The following TACR1 variants were observed in gnomAD, a reference collection of about 807,000 sequenced individuals.
TACR1 encodes tachykinin receptor 1, also known as substance-P receptor.
TACR1 carries 25 observed loss-of-function variants against 35.8 expected under a neutral mutation model. That is an observed-to-expected ratio of 0.70 (90% CI 0.51 to 0.98). TACR1 has a LOEUF of 0.98. Ranked by LOEUF, TACR1 falls within the 50% of genes least tolerant of loss-of-function variation. TACR1 has a pLI of 0.00. For missense variants in TACR1, 478 were observed against 522.9 expected, an observed-to-expected ratio of 0.91 and a Z score of 0.84; for synonymous variants, 195 against 206.7, an observed-to-expected ratio of 0.94 and a Z score of 0.48.
intron 1 of TACR1, among the ~76,000 whole-genome samples, chr2:75,134,814 C>A (rs1040068064): frequency 6.6e-6 from 1 of 152,214 alleles, no homozygotes; most frequent in Non-Finnish European, 1.5e-5. Context: ...AGCTGATTAA[C>A]TTAACGATCC....
intron 2 of TACR1, among the ~76,000 whole-genome samples, chr2:75,113,416 C>T (rs534090933): frequency 6.6e-6 from 1 of 151,976 alleles, no homozygotes; most frequent in Non-Finnish European, 1.5e-5. Flanking sequence ...GTGGCTGCCT[C>T]CTGTTTGGCG....
At chr2:75,196,692 C>G (rs1676003060) in intron 1 of TACR1, among the ~76,000 whole-genome samples, 1 of 152,192 alleles carries the variant, frequency 6.6e-6, no homozygotes. Flanking sequence ...GAGGAAAGAT[C>G]AGGGCTGCAG....
At chr2:75,163,738 G>T (rs960641462) in intron 1 of TACR1, among the ~76,000 whole-genome samples, 5 of 152,158 alleles carry the variant, frequency 3.3e-5, no homozygotes, top group African/African-American at 4.8e-5. Context: ...ATATAAAAAT[G>T]TAGATGTCTT....
chr2:75,154,406 GCACGCACACACACA>G (rs66463330), intron 1 of TACR1: 1 of 78,554 alleles, frequency 1.3e-5, no homozygotes, highest in African/African-American at 6.4e-5. Context: ...CCAAGAGCGC[GCACGCACACACACA>G]CACACACACA....
At chr2:75,078,319 T>A (rs965574349) in intron 2 of TACR1, among the ~76,000 whole-genome samples, 1 of 152,038 alleles carries the variant, frequency 6.6e-6, no homozygotes. Flanking sequence ...TTGAGTGATT[T>A]CTAAACTCTC....
At chr2:75,166,326 A>G (rs1379723397) in intron 1 of TACR1, among the ~76,000 whole-genome samples, 1 of 152,110 alleles carries the variant, frequency 6.6e-6, no homozygotes. Flanking sequence ...AAATCAACAA[A>G]CATAGAATGA....
At chr2:75,191,122 T>C (rs1046096201) in intron 1 of TACR1, among the ~76,000 whole-genome samples, 5 of 152,184 alleles carry the variant, frequency 3.3e-5, no homozygotes, top group African/African-American at 1.2e-4. Context: ...TGAGGTGGAA[T>C]TGAAGTCTCT....
At chr2:75,142,177 T>C (rs1288689437) in intron 1 of TACR1, among the ~76,000 whole-genome samples, 1 of 152,162 alleles carries the variant, frequency 6.6e-6, no homozygotes, top group Non-Finnish European at 1.5e-5. Flanking sequence ...CAGCCTCTGC[T>C]TCCACCTTCT....
At chr2:75,084,078 C>T (rs1211679403) in intron 2 of TACR1, among the ~76,000 whole-genome samples, 4 of 152,070 alleles carry the variant, frequency 2.6e-5, no homozygotes, top group South Asian at 2.1e-4. Flanking sequence ...ATAAATAGCT[C>T]TTATTATTTT....
At chr2:75,079,434 C>T (rs1354612361) in intron 2 of TACR1, among the ~76,000 whole-genome samples, 4 of 152,202 alleles carry the variant, frequency 2.6e-5, no homozygotes, top group African/African-American at 9.6e-5. Flanking sequence ...TTAAATTTGG[C>T]ACTTGGGCCA....
At chr2:75,073,613 C>T (rs771737636) in intron 2 of TACR1, among the ~76,000 whole-genome samples, 8 of 152,076 alleles carry the variant, frequency 5.3e-5, no homozygotes, top group African/African-American at 9.7e-5. Context: ...TGTCAGGTGT[C>T]GGGTGGGCAC....
At chr2:75,154,385 G>A (rs1029529153) in intron 1 of TACR1, 8 of 137,292 alleles carry the variant, frequency 5.8e-5, no homozygotes, top group African/African-American at 2.3e-4. Flanking sequence ...TTGGCCCAGG[G>A]AGATAATCAG....
chr2:75,053,660 T>C lies in TACR1; in HGVS notation c.680A>G (p.Glu227Gly), dbSNP rs1160030771. Residue 227 changes from glutamate (E) to glycine (G), a missense_variant, in exon 3 of 5, where the codon GAG (glutamate) becomes GGG (glycine). Glu to Gly is a moderately conservative substitution (Grantham distance 98, BLOSUM62 -2). Coordinates refer to ENST00000305249, the MANE Select transcript of TACR1 (RefSeq NM_001058.4). The part of the protein sequence containing the change: ...TVVGITLWAS[E>G]IPGDSSDRYH... ...GCGGTCAGAGGAGTCCCCGGGGATC[T>C]CACTGGCCCATAGTGTGATTCCCAC... 1 of 1,605,450 alleles carries C rather than the reference T, an allele frequency of 6.2e-7. No individual in the cohort carries two copies. Among genetic ancestry groups the C allele is most frequent in the Non-Finnish European group, 8.5e-7 (1 of 1,175,570 alleles).
intron 1 of TACR1, among the ~76,000 whole-genome samples, chr2:75,180,058 C>A (rs908876732): frequency 1.3e-5 from 2 of 152,092 alleles, no homozygotes; most frequent in African/African-American, 4.8e-5. Context: ...TTCTAGCTGT[C>A]CCTTCTACCT....
intron 2 of TACR1, among the ~76,000 whole-genome samples, chr2:75,081,279 T>A (rs1412846478): frequency 1.3e-5 from 2 of 152,210 alleles, no homozygotes; most frequent in Admixed American, 1.3e-4. Flanking sequence ...TACCTTTATA[T>A]GAAGGCAAGA....
intron 2 of TACR1, among the ~76,000 whole-genome samples, chr2:75,092,721 C>CA (rs1413103110): frequency 6.6e-6 from 1 of 152,110 alleles, no homozygotes; most frequent in Non-Finnish European, 1.5e-5. Flanking sequence ...ACTGGATTCT[C>CA]ACAGCTACTC....
intron 1 of TACR1, chr2:75,154,526 A>ACACACACACACACACACACTCT (rs1379600710): frequency 8.5e-6 from 1 of 117,144 alleles, no homozygotes; most frequent in African/African-American, 4.5e-5. Context: ...ACACACACAC[A>ACACACACACACACACACACTCT]CTCTCTGAAG....
At chr2:75,090,496 T>C (rs1673287594) in intron 2 of TACR1, among the ~76,000 whole-genome samples, 1 of 152,204 alleles carries the variant, frequency 6.6e-6, no homozygotes, top group African/African-American at 2.4e-5. Context: ...AACCTCTTAT[T>C]GCACCAAACA....
intron 2 of TACR1, among the ~76,000 whole-genome samples, chr2:75,102,687 T>G (rs1233009106): frequency 6.6e-6 from 1 of 152,120 alleles, no homozygotes; most frequent in African/African-American, 2.4e-5. Flanking sequence ...ATTTATATAT[T>G]TATAAATCGT....
Sources: allele counts gnomAD v4.1 joint callset (sites outside exome capture counted in the v4.1 genomes callset), GRCh38; gene constraint gnomAD v4.1.1; transcripts MANE v1.5; gene names NCBI Gene and HGNC (gene_info 2026-07-23, HGNC 2026-07-21).